SP110: variants seen among roughly 807,000 people sequenced by gnomAD.
The protein encoded by SP110 is SP110 nuclear body protein.
Under a neutral mutation model 92.7 loss-of-function variants are expected in SP110, and 62 were observed. The ratio of observed to expected loss-of-function variants is 0.67; its 90% confidence interval spans 0.55 to 0.83. SP110 has a LOEUF of 0.83. Among genes scored for constraint, SP110 ranks in the 40% least tolerant of loss-of-function variants. The probability of loss-of-function intolerance (pLI) is 0.00; values close to 1 mark genes in which losing one functional copy is unlikely to be tolerated. For missense variants in SP110, 793 were observed against 863.9 expected (o/e 0.92, Z 1.03); for synonymous variants, 273 against 305.3 (o/e 0.89, Z 1.10).
In SP110 at chr2:230,212,854, G is replaced by A; in HGVS notation, c.490C>T (p.Gln164Ter). Residue 164 changes from glutamine to a stop codon, truncating the protein, a stop_gained, in exon 4 of 19, where the codon CAG becomes TAG. Transcript: ENST00000258381. LOFTEE classifies it high-confidence loss of function. ...TCACTCAGGATCTCATCGCTTTGCT[G>A]GGAGGATGTTCCAGGCTCACTGACT... is the stretch of plus-strand genomic sequence containing the variant. The part of the protein sequence containing the change: ...PRVSEPGTSS[Q>*]QSDEILSESP... 3 of 1,614,090 alleles carry A rather than the reference G, an allele frequency of 1.9e-6. No individual in the cohort carries two copies. Among genetic ancestry groups the A allele is most frequent in the Non-Finnish European group, 2.5e-6 (3 of 1,179,992 alleles).
intron 9 of SP110, 72 bp downstream of exon 9, chr2:230,202,507 C>T (rs2148860526): frequency 1.4e-6 from 2 of 1,456,014 alleles, no homozygotes; most frequent in Non-Finnish European, 1.9e-6. Flanking sequence ...ATCTACTTAA[C>T]TCTGTACCTG....
upstream of SP110, chr2:230,220,095 A>G (rs557380655): frequency 8.1e-6 from 8 of 985,252 alleles, no homozygotes; most frequent in African/African-American, 7.0e-5. Flanking sequence ...GCCTCTCTCC[A>G]CCTCCTCATG....
chr2:230,200,596 T>C (rs56159955), intron 10 of SP110: 64,739 of 467,706 alleles, frequency 0.14, 5,710 homozygotes, highest in South Asian at 0.26. Flanking sequence ...TTCTCAGTAA[T>C]GGTGATATTG....
chr2:230,183,349 T>C (rs1560537116), intron 12 of SP110, among the ~76,000 whole-genome samples: 1 of 152,256 alleles, frequency 6.6e-6, no homozygotes, highest in Admixed American at 6.5e-5. Flanking sequence ...TGTATAGCTC[T>C]GTGTTAAAGA....
chr2:230,187,654 G>A (rs2042418098), intron 10 of SP110, among the ~76,000 whole-genome samples: 1 of 152,012 alleles, frequency 6.6e-6, no homozygotes, highest in African/African-American at 2.4e-5. Flanking sequence ...GATCCATCTT[G>A]AGTTAATTTT....
chr2:230,177,944 G>T (rs1394258536), intron 13 of SP110, among the ~76,000 whole-genome samples: 4 of 152,196 alleles, frequency 2.6e-5, no homozygotes, highest in Non-Finnish European at 5.9e-5. Flanking sequence ...GTACAGCAGG[G>T]CCCATGGGTG....
chr2:230,185,913 A>C, intron 11 of SP110, 81 bp downstream of exon 11: 2 of 1,201,482 alleles, frequency 1.7e-6, no homozygotes, highest in Non-Finnish European at 2.5e-6. Context: ...TTGACTTTAC[A>C]TATCTATCTG....
At chr2:230,195,030 C>A (rs2042802572) in intron 10 of SP110, among the ~76,000 whole-genome samples, 1 of 151,766 alleles carries the variant, frequency 6.6e-6, no homozygotes, top group African/African-American at 2.4e-5. Flanking sequence ...AACAATTTCA[C>A]TTTTCTTCCT....
chr2:230,204,170 C>A (rs138082496), intron 8 of SP110, among the ~76,000 whole-genome samples: 2 of 152,316 alleles, frequency 1.3e-5, no homozygotes, highest in African/African-American at 4.8e-5. Context: ...CTACTCCTTT[C>A]GGTAGCTTGG....
At chr2:230,184,798 G>A (rs72996400) in intron 11 of SP110, among the ~76,000 whole-genome samples, 2,812 of 152,204 alleles carry the variant, frequency 0.018, 34 homozygotes, top group Non-Finnish European at 0.029. Flanking sequence ...TAAAAAACAG[G>A]TAAATTGGTA....
At chr2:230,223,968 C>T (rs1368785510), upstream of SP110, among the ~76,000 whole-genome samples, 2 of 152,206 alleles carry the variant, frequency 1.3e-5, no homozygotes, top group Non-Finnish European at 2.9e-5. Context: ...TAAAGGAAGA[C>T]ATTGGGAACC....
rs1202943206 is a variant in SP110 at position 230,202,563 on chromosome 2, C to G, written c.1048+16G>C. Reference sequence around the variant, plus strand: ...CACTGAGCCATTCAAATGGCAGATTCCATCATCAGCCTTACCCTCTGATCT... The same window carrying G: ...CACTGAGCCATTCAAATGGCAGATTGCATCATCAGCCTTACCCTCTGATCT... On this transcript the variant is annotated intron_variant, in intron 9 of 18. Transcript: ENST00000258381. 1.9e-6 allele frequency: 3 copies of G among 1,613,640 alleles called. No individual in the cohort carries two copies. The highest frequency in any genetic ancestry group is 2.2e-5 in the South Asian group (2 of 91,078).
At chr2:230,225,064 C>G (rs779647201) in intron 1 of SP110, among the ~76,000 whole-genome samples, 1 of 152,164 alleles carries the variant, frequency 6.6e-6, no homozygotes, top group Non-Finnish European at 1.5e-5. Context: ...CCTTGAAGGT[C>G]TAGATAATCT....
chr2:230,175,326 T>C (rs911386585), intron 14 of SP110, among the ~76,000 whole-genome samples: 2 of 152,174 alleles, frequency 1.3e-5, no homozygotes, highest in South Asian at 2.1e-4. Context: ...TCCATACTTA[T>C]GAATCCATGT....
intron 10 of SP110, among the ~76,000 whole-genome samples, chr2:230,197,784 C>T (rs1372903392): frequency 6.6e-6 from 1 of 152,040 alleles, no homozygotes; most frequent in East Asian, 1.9e-4. Context: ...TTCCCAGCAC[C>T]ATTTATTAAA....
At chr2:230,206,884 C>CT (rs1184487215) in intron 8 of SP110, among the ~76,000 whole-genome samples, 1 of 152,008 alleles carries the variant, frequency 6.6e-6, no homozygotes, top group Non-Finnish European at 1.5e-5. Context: ...CCTCTCTTAT[C>CT]TCCTGAGATG....
rs773059144 is a variant in SP110 at position 230,172,902 on chromosome 2, C to T, written c.1648G>A (p.Gly550Ser). The T allele has an allele frequency of 2.3e-5, 37 of 1,614,070 alleles. No homozygotes were observed. Among genetic ancestry groups the T allele is most frequent in the South Asian group, 6.6e-5 (6 of 91,092 alleles). The change falls in exon 15 of 19, where the codon GGT becomes AGT. Residue 550 changes from glycine to serine, a missense_variant. Gly to Ser is a moderately conservative substitution (Grantham distance 56, BLOSUM62 0). Coordinates refer to ENST00000258381, the MANE Select transcript of SP110 (RefSeq NM_080424.4). ...CCQGGQLLCCGTCPRVFHEDC... is the reference protein window; with the variant it reads ...CCQGGQLLCCSTCPRVFHEDC... ...TCATGGAAGACTCGTGGACAAGTAC[C>T]GCAGCAGAGAAGTTGTCCCCCTTGA...
At position 230,170,946 on chromosome 2, in the gene SP110, A is replaced by G. The variant is rs551860031; in HGVS notation, c.1888-185T>C. On this transcript the variant is annotated intron_variant, in intron 17 of 18. Transcript: ENST00000258381. ...TCTAAGCCAAGTATATGAATATGTA[A>G]TCTCCACATTTATGGGTACCATAAA... The G allele has an allele frequency of 8.3e-5, 54 of 653,942 alleles. No individual in the cohort carries two copies. The East Asian group carries it at 1.4e-3, about 17-fold the overall frequency. The allele number at this position is 653,942 out of a possible 1,614,324, so 40.5% of individuals were successfully genotyped here.
chr2:230,202,540 C>G (rs777817263), intron 9 of SP110, 39 bp downstream of exon 9: 1 of 1,607,348 alleles, frequency 6.2e-7, no homozygotes, highest in African/African-American at 1.3e-5. Flanking sequence ...CCCTCCCACA[C>G]TGAGCCATTC....
Sources: allele counts gnomAD v4.1 joint callset (sites outside exome capture counted in the v4.1 genomes callset), GRCh38; gene constraint gnomAD v4.1.1; transcripts MANE v1.5; gene names NCBI Gene and HGNC (gene_info 2026-07-23, HGNC 2026-07-21).